Variants in ANKRD45 observed in about 807,000 individuals in gnomAD.
ANKRD45 encodes the protein ankyrin repeat domain 45.
A neutral mutation model predicts 28.1 loss-of-function variants in ANKRD45; 21 were observed. The observed-to-expected ratio is 0.75, with a 90% CI of 0.53 to 1.08. ANKRD45 has a LOEUF of 1.08. Ranked by LOEUF, ANKRD45 falls within the 50% of genes least tolerant of loss-of-function variation. The pLI, the probability that ANKRD45 is intolerant of heterozygous loss-of-function variation, is 0.00. For missense variants in ANKRD45, 261 were observed against 308.7 expected, an observed-to-expected ratio of 0.85 and a Z score of 1.16; for synonymous variants, 86 against 103.9, an observed-to-expected ratio of 0.83 and a Z score of 1.05.
intron 5 of ANKRD45, among the ~76,000 whole-genome samples, chr1:173,611,576 TACACACACACACACACACACACACACAC>T (rs57884253): frequency 1.5e-5 from 2 of 134,008 alleles, no homozygotes; most frequent in Non-Finnish European, 3.3e-5. Context: ...AATACATACA[TACACACACACACACACACACACACACAC>T]ACACACACAC....
At chr1:173,629,941 C>T (rs1484868181) in intron 3 of ANKRD45, among the ~76,000 whole-genome samples, 2 of 152,074 alleles carry the variant, frequency 1.3e-5, no homozygotes, top group East Asian at 3.9e-4. Flanking sequence ...TAACATATAA[C>T]GGAACTCCAA....
chr1:173,638,478 G>A (rs935425718), intron 3 of ANKRD45, among the ~76,000 whole-genome samples: 1 of 151,786 alleles, frequency 6.6e-6, no homozygotes, highest in Non-Finnish European at 1.5e-5. Context: ...GCCCCCTGCC[G>A]CTGCCATATC....
At chr1:173,613,182 G>C (rs951391988) in intron 5 of ANKRD45, among the ~76,000 whole-genome samples, 16 of 151,404 alleles carry the variant, frequency 1.1e-4, no homozygotes, top group Non-Finnish European at 4.4e-5. Context: ...TCTGAGATGC[G>C]GGGAGCACCT....
chr1:173,626,993 CA>C, intron 4 of ANKRD45, 71 bp downstream of exon 4: 2 of 1,054,750 alleles, frequency 1.9e-6, no homozygotes, highest in Non-Finnish European at 2.9e-6. Context: ...TTTAGAACAT[CA>C]GTGCAAAAAT....
chr1:173,654,293 TG>T (rs1669390930), intron 2 of ANKRD45, among the ~76,000 whole-genome samples: 1 of 152,292 alleles, frequency 6.6e-6, no homozygotes, highest in Non-Finnish European at 1.5e-5. Context: ...GCAGGCCTGG[TG>T]GTGACAAAAT....
chr1:173,681,560 A>G, the ANKRD45 span, among the ~76,000 whole-genome samples: 1 of 152,214 alleles, frequency 6.6e-6, no homozygotes, highest in East Asian at 1.9e-4. Context: ...ATAGAAGTAC[A>G]TCTTATAGAT....
At chr1:173,632,899 G>C (rs997093558) in intron 3 of ANKRD45, among the ~76,000 whole-genome samples, 1 of 152,028 alleles carries the variant, frequency 6.6e-6, no homozygotes, top group Admixed American at 6.6e-5. Flanking sequence ...GTGTCATATA[G>C]AACAGGAAAA....
intron 3 of ANKRD45, among the ~76,000 whole-genome samples, chr1:173,639,836 CATTA>C (rs1429780491): frequency 6.6e-6 from 1 of 152,132 alleles, no homozygotes; most frequent in Non-Finnish European, 1.5e-5. Context: ...GTAGTTAAAG[CATTA>C]ATTGAGAATA....
the ANKRD45 span, among the ~76,000 whole-genome samples, chr1:173,700,685 A>C: frequency 6.6e-6 from 1 of 152,260 alleles, no homozygotes; most frequent in African/African-American, 2.4e-5. Context: ...GATGGATTTA[A>C]GACTTAAATG....
chr1:173,698,969 A>T, the ANKRD45 span, among the ~76,000 whole-genome samples: 1 of 152,180 alleles, frequency 6.6e-6, no homozygotes, highest in Non-Finnish European at 1.5e-5. Flanking sequence ...AATAGATGCA[A>T]TAAAAAATGA....
At chr1:173,673,432 A>G (rs1286968995), upstream of ANKRD45, among the ~76,000 whole-genome samples, 1 of 152,052 alleles carries the variant, frequency 6.6e-6, no homozygotes, top group Non-Finnish European at 1.5e-5. Flanking sequence ...TACTTCATAG[A>G]CTGAGTCATG....
At chr1:173,668,509 C>A (rs1348499850) in intron 1 of ANKRD45, among the ~76,000 whole-genome samples, 1 of 152,196 alleles carries the variant, frequency 6.6e-6, no homozygotes, top group Non-Finnish European at 1.5e-5. Context: ...CAAGGGAAGG[C>A]AAAGGGACCC....
rs920023837 is a variant in ANKRD45, at chr1:173,624,982, A to G, written c.592-57T>C. 8.4e-6 allele frequency: 13 copies of G among 1,553,370 alleles called. No individual in the cohort carries two copies. In the African/African-American group the frequency reaches 1.6e-4, roughly 20 times the overall value. ...CTTATTTATTGAAAAATAAAACTCA[A>G]CAGTATCTCTAAACCAGCACGTCCA... On this transcript the variant is annotated intron_variant, in intron 4 of 5. Coordinates refer to ENST00000333279, the MANE Select transcript of ANKRD45 (RefSeq NM_198493.3).
intron 1 of ANKRD45, among the ~76,000 whole-genome samples, chr1:173,666,445 G>C (rs920528443): frequency 2.0e-5 from 3 of 152,098 alleles, no homozygotes; most frequent in Non-Finnish European, 2.9e-5. Context: ...AAAATCCATG[G>C]ATGTTCAAGT....
chr1:173,659,441 CA>C lies in ANKRD45; in HGVS notation c.-15-9del. 4 of 1,492,132 alleles carry C rather than the reference CA, an allele frequency of 2.7e-6. No homozygotes were observed. The highest frequency in any genetic ancestry group is 1.5e-5 in the South Asian group (1 of 67,026). The allele number at this position is 1,492,132 out of a possible 1,614,324, so 92.4% of individuals were successfully genotyped here. The stretch of plus-strand genomic sequence containing the variant: ...CATTAACTCCAAAAATACCTATGAC[CA>C]AAAAAATAAAAAAGTGATAAAAATC... On this transcript the variant is annotated splice_polypyrimidine_tract_variant and intron_variant, in intron 1 of 5. Transcript: ENST00000333279.
chr1:173,710,827 G>C, the ANKRD45 span, among the ~76,000 whole-genome samples: 1 of 152,056 alleles, frequency 6.6e-6, no homozygotes, highest in African/African-American at 2.4e-5. Flanking sequence ...ATCACCCGAT[G>C]GTCACCTGAC....
At chr1:173,633,066 C>T (rs866176450) in intron 3 of ANKRD45, among the ~76,000 whole-genome samples, 9 of 151,800 alleles carry the variant, frequency 5.9e-5, no homozygotes, top group Admixed American at 1.3e-4. Flanking sequence ...TCCTTGATTC[C>T]GGCTGATATA....
intron 3 of ANKRD45, among the ~76,000 whole-genome samples, chr1:173,641,734 T>G (rs1668709773): frequency 1.3e-5 from 2 of 152,124 alleles, no homozygotes; most frequent in African/African-American, 2.4e-5. Flanking sequence ...TCCATTTGAG[T>G]CCTTTGATCC....
chr1:173,649,967 G>A (rs1558137435), intron 2 of ANKRD45, among the ~76,000 whole-genome samples: 1 of 152,104 alleles, frequency 6.6e-6, no homozygotes, highest in South Asian at 2.1e-4. Flanking sequence ...TAACTACACT[G>A]ACAAATTAAT....
Sources: gnomAD v4.1 joint callset for allele counts (sites outside exome capture counted in the v4.1 genomes callset) on GRCh38, gnomAD v4.1.1 for gene constraint, MANE v1.5 for transcripts, NCBI Gene and HGNC (gene_info 2026-07-23, HGNC 2026-07-21) for gene names.